The following MPDZ variants were observed in gnomAD, a reference collection of about 807,000 sequenced individuals.
The protein encoded by MPDZ is multiple PDZ domain crumbs cell polarity complex component, also known as multiple PDZ domain protein.
In MPDZ, 234 loss-of-function variants were observed where a neutral mutation model predicts 239.1. That is an observed-to-expected ratio of 0.98 (90% CI 0.88 to 1.09). The LOEUF (loss-of-function observed/expected upper bound fraction) is 1.09. Ranked by LOEUF, MPDZ falls within the 50% of genes least tolerant of loss-of-function variation. The pLI, the probability that MPDZ is intolerant of heterozygous loss-of-function variation, is 0.00. For missense variants in MPDZ, 3,175 were observed against 2,510.0 expected (o/e 1.26, Z -5.66); for synonymous variants, 1,048 against 881.3 (o/e 1.19, Z -3.35).
chr9:13,158,113 G>A lies in MPDZ; in HGVS notation c.3360-3C>T, dbSNP rs1587357657. ...GCTCTGGTAATTCTGGAATGTCTCT[G>A]GTTAAAGAATTACACAATGAGTACC... On this transcript the variant is annotated splice_polypyrimidine_tract_variant and splice_region_variant and intron_variant, in intron 23 of 46. Coordinates refer to ENST00000319217, the MANE Select transcript of MPDZ (RefSeq NM_001378778.1). 4 of 1,611,140 alleles carry A rather than the reference G, an allele frequency of 2.5e-6. No individual in the cohort carries two copies. The East Asian group carries it at 8.9e-5, about 36-fold the overall frequency.
chr9:13,169,033 C>T (rs984930188), intron 21 of MPDZ, among the ~76,000 whole-genome samples: 1 of 152,144 alleles, frequency 6.6e-6, no homozygotes. Flanking sequence ...TACTATATGG[C>T]TAATATGTGC....
chr9:13,168,171 A>G (rs1251940669), intron 22 of MPDZ, among the ~76,000 whole-genome samples, 195 bp downstream of exon 22: 1 of 152,164 alleles, frequency 6.6e-6, no homozygotes, highest in African/African-American at 2.4e-5. Context: ...CCAAATTTTT[A>G]ATACTGATAT....
rs34776397 is a variant in MPDZ at position 13,183,465 on chromosome 9, C to T, written c.2602G>A (p.Gly868Ser). The change falls in exon 19 of 47, where the codon GGT (glycine) becomes AGT (serine). Residue 868 changes from glycine to serine, a missense_variant. Physicochemically the swap from Gly to Ser is moderately conservative, Grantham distance 56. Coordinates refer to ENST00000319217, the MANE Select transcript of MPDZ (RefSeq NM_001378778.1). ...SILSLHGSSC[G>S]DGLNYGSSLP... ...GAAGAACCATAGTTCAGGCCATCAC[C>T]ACAAGAACTGCCATGAAGAGATAAA... is the stretch of plus-strand genomic sequence containing the variant. The T allele has an allele frequency of 1.3e-3, 2,148 of 1,611,424 alleles. 29 individuals are homozygous for T. In the African/African-American group the frequency reaches 0.026, roughly 20 times the overall value.
chr9:13,199,209 C>A (rs1417321568), intron 12 of MPDZ, among the ~76,000 whole-genome samples: 1 of 151,944 alleles, frequency 6.6e-6, no homozygotes, highest in African/African-American at 2.4e-5. Context: ...GTAGGTTTCA[C>A]TGCAGAAATC....
At chr9:13,152,620 C>T (rs1949329846) in intron 24 of MPDZ, among the ~76,000 whole-genome samples, 1 of 151,930 alleles carries the variant, frequency 6.6e-6, no homozygotes, top group Admixed American at 6.6e-5. Flanking sequence ...CGGGGTACGT[C>T]TATATCAGCA....
chr9:13,260,543 CA>C (rs1461839793), intron 1 of MPDZ, among the ~76,000 whole-genome samples: 43 of 152,220 alleles, frequency 2.8e-4, no homozygotes, highest in Admixed American at 6.5e-4. Context: ...CTGTGTTGCC[CA>C]AAATTCCTAT....
intron 3 of MPDZ, among the ~76,000 whole-genome samples, chr9:13,227,371 G>A (rs183821990): frequency 6.6e-6 from 1 of 152,024 alleles, no homozygotes; most frequent in East Asian, 1.9e-4. Context: ...CTTATGCCAA[G>A]ATTGATTTTT....
intron 8 of MPDZ, 83 bp from the exon 9 acceptor site, chr9:13,217,377 CATG>C: frequency 1.1e-6 from 1 of 908,724 alleles, no homozygotes. Context: ...ACAAAAAAAC[CATG>C]ATAAAATAAA....
At chr9:13,222,212 T>C (rs772326622) in intron 6 of MPDZ, 21 bp downstream of exon 6, 2 of 1,592,798 alleles carry the variant, frequency 1.3e-6, no homozygotes, top group Admixed American at 1.8e-5. Flanking sequence ...TCTGTTCCTT[T>C]TGAAAATTTT....
chr9:13,245,601 G>A (rs535424702), intron 3 of MPDZ, among the ~76,000 whole-genome samples: 25 of 152,180 alleles, frequency 1.6e-4, no homozygotes, highest in Admixed American at 1.1e-3. Context: ...TGTGATCAAG[G>A]AGCCCAAAGT....
At chr9:13,173,280 GT>G (rs1283615713) in intron 21 of MPDZ, among the ~76,000 whole-genome samples, 1 of 152,092 alleles carries the variant, frequency 6.6e-6, no homozygotes, top group Admixed American at 6.5e-5. Context: ...ATTTTATGCT[GT>G]GTCTATTTTA....
At chr9:13,198,615 C>T (rs1004540704) in intron 12 of MPDZ, among the ~76,000 whole-genome samples, 2 of 151,940 alleles carry the variant, frequency 1.3e-5, no homozygotes, top group South Asian at 2.1e-4. Context: ...TCCATTTTGG[C>T]TTTGGTTGCC....
intron 3 of MPDZ, among the ~76,000 whole-genome samples, chr9:13,246,529 C>T (rs943263652): frequency 3.9e-5 from 6 of 152,200 alleles, no homozygotes; most frequent in African/African-American, 7.2e-5. Context: ...ACCTTAAATT[C>T]ATGATCACGA....
chr9:13,202,283 C>T (rs1956475663), intron 12 of MPDZ, among the ~76,000 whole-genome samples: 1 of 152,116 alleles, frequency 6.6e-6, no homozygotes, highest in Admixed American at 6.6e-5. Flanking sequence ...TTAAACACTG[C>T]CCTAGAATTT....
At position 13,270,036 on chromosome 9, in the gene MPDZ, C is replaced by G. The variant is rs574478238; in HGVS notation, c.-58+9364G>C. Among the ~76,000 whole-genome samples the G allele has an allele frequency of 6.6e-5, 10 of 152,258 alleles. No individual in the cohort carries two copies. The South Asian group carries it at 2.1e-3, about 32-fold the overall frequency. ...ATAGGATTCATTGGGGTTATCTTGA[C>G]AAGTGATATTTTCTCCATGAAAGCA... On this transcript the variant is annotated intron_variant, in intron 1 of 46. Transcript: ENST00000319217.
At chr9:13,165,436 T>A in intron 22 of MPDZ, 1 of 1,548,094 alleles carries the variant, frequency 6.5e-7, no homozygotes, top group Non-Finnish European at 8.7e-7. Context: ...CGCCGCGGCA[T>A]CTTTTTACAA....
intron 31 of MPDZ, chr9:13,134,179 C>T (rs1946414006): frequency 6.0e-6 from 1 of 167,334 alleles, no homozygotes; most frequent in Admixed American, 6.3e-5. Flanking sequence ...CACAGATAGA[C>T]CAAGTGGCTT....
intron 39 of MPDZ, among the ~76,000 whole-genome samples, chr9:13,117,358 T>C (rs1454256356): frequency 6.6e-6 from 1 of 151,938 alleles, no homozygotes; most frequent in Admixed American, 6.6e-5. Flanking sequence ...AGTGAAACCC[T>C]GCCTCTACCA....
In MPDZ at chr9:13,137,995, T is replaced by C. The variant is rs745635382; in HGVS notation, c.4162A>G (p.Lys1388Glu). ...TCTGCAATTTGCAATCGACCATCTT[T>C]TCCTGCAGCTCCATTTGGATCAATC... ...VGIDPNGAAG[K>E]DGRLQIADEL... The change falls in exon 29 of 47, where the codon AAA (lysine) becomes GAA (glutamate). Residue 1388 changes from lysine (K) to glutamate (E), a missense_variant. Lys to Glu is a moderately conservative substitution (Grantham distance 56, BLOSUM62 1). Coordinates refer to ENST00000319217, the MANE Select transcript of MPDZ (RefSeq NM_001378778.1). 2.0e-5 allele frequency: 33 copies of C among 1,613,880 alleles called. 1 individual carries two copies. In the South Asian group the frequency reaches 3.5e-4, roughly 17 times the overall value.
Sources: gnomAD v4.1 joint callset for allele counts (sites outside exome capture counted in the v4.1 genomes callset) on GRCh38, gnomAD v4.1.1 for gene constraint, MANE v1.5 for transcripts, NCBI Gene and HGNC (gene_info 2026-07-23, HGNC 2026-07-21) for gene names.